The following METTL8 variants were observed in gnomAD, a reference collection of about 807,000 sequenced individuals.
METTL8 encodes the protein methyltransferase 8, tRNA N3-cytidine.
METTL8 carries 32 observed loss-of-function variants against 48.7 expected under a neutral mutation model. The observed-to-expected ratio is 0.66, with a 90% confidence interval of 0.50 to 0.88. The LOEUF (loss-of-function observed/expected upper bound fraction) is 0.88, where lower values mean the gene tolerates loss of function less well. METTL8 is among the 40% of genes least tolerant of loss of function. The probability of loss-of-function intolerance (pLI) is 0.00; values close to 1 mark genes in which losing one functional copy is unlikely to be tolerated. For missense variants in METTL8, 464 were observed against 474.4 expected (o/e 0.98, Z 0.20); for synonymous variants, 136 against 157.1 (o/e 0.87, Z 1.01).
intron 2 of METTL8, among the ~76,000 whole-genome samples, chr2:171,385,866 T>C (rs1405990164): frequency 6.6e-6 from 1 of 152,228 alleles, no homozygotes; most frequent in African/African-American, 2.4e-5. Context: ...ATGTTAAAGC[T>C]TCACTTGAAA....
chr2:171,405,272 T>C (rs1474179237), intron 1 of METTL8, among the ~76,000 whole-genome samples: 1 of 152,010 alleles, frequency 6.6e-6, no homozygotes, highest in South Asian at 2.1e-4. Flanking sequence ...TTACAGGTGG[T>C]GGCTGAAGTC....
In METTL8 at chr2:171,319,968, TA is replaced by T. The variant is rs1684448267; in HGVS notation, c.*4203del. 6.6e-6 allele frequency: 1 copy of T among 152,184 alleles called. No individual in the cohort carries two copies. Among genetic ancestry groups the T allele is most frequent in the South Asian group, 2.1e-4 (1 of 4,820 alleles). The allele number at this position is 152,184 out of a possible 1,614,324, so 9.4% of individuals were successfully genotyped here. On this transcript the variant is annotated 3_prime_UTR_variant, in exon 10 of 10. Coordinates refer to ENST00000375258, the MANE Select transcript of METTL8 (RefSeq NM_001321154.2). Reference sequence around the variant, plus strand: ...CTCTCTCAGAAGATGAATTTTTAAATATCAAACTCTGCCTAACCAACTGGTC... The same window carrying T: ...CTCTCTCAGAAGATGAATTTTTAAATTCAAACTCTGCCTAACCAACTGGTC...
chr2:171,370,244 A>G (rs11679835), intron 2 of METTL8, among the ~76,000 whole-genome samples: 39,235 of 151,988 alleles, frequency 0.26, 5,421 homozygotes, highest in African/African-American at 0.3. Flanking sequence ...CTTTGGTGTT[A>G]ATTTAATAGG....
At chr2:171,374,907 T>G in intron 2 of METTL8, 1 of 1,172,388 alleles carries the variant, frequency 8.5e-7, no homozygotes, top group Admixed American at 1.7e-5. Context: ...ATAGTCTGTC[T>G]TCAGTCTTTA....
chr2:171,430,061 A>C (rs79235462), intron 1 of METTL8, among the ~76,000 whole-genome samples: 8 of 150,888 alleles, frequency 5.3e-5, no homozygotes, highest in African/African-American at 2.0e-4. Flanking sequence ...AAAAAAAAAA[A>C]GGAATTCTGC....
intron 6 of METTL8, 66 bp from the exon 7 acceptor site, chr2:171,330,764 T>A (rs1216071611): frequency 3.4e-5 from 44 of 1,280,878 alleles, no homozygotes; most frequent in Non-Finnish European, 4.0e-5. Flanking sequence ...TTTTTTTTTT[T>A]AAATAAAAAG....
chr2:171,410,794 T>A (rs1355601976), intron 1 of METTL8, among the ~76,000 whole-genome samples: 2 of 152,196 alleles, frequency 1.3e-5, no homozygotes, highest in African/African-American at 4.8e-5. Context: ...AGAATAATAC[T>A]CATTAAGATA....
chr2:171,385,836 CT>C (rs1360173932), intron 2 of METTL8, among the ~76,000 whole-genome samples: 1 of 152,174 alleles, frequency 6.6e-6, no homozygotes, highest in Non-Finnish European at 1.5e-5. Flanking sequence ...TTGCTTTTAT[CT>C]TTTAAATCCT....
chr2:171,413,386 A>G (rs1284199217), intron 1 of METTL8, among the ~76,000 whole-genome samples: 2 of 152,212 alleles, frequency 1.3e-5, no homozygotes, highest in Admixed American at 6.5e-5. Flanking sequence ...AGAAACAGAT[A>G]TAAGAATCCA....
upstream of METTL8, chr2:171,434,457 C>T (rs1458534754): frequency 1.2e-5 from 18 of 1,503,350 alleles, no homozygotes; most frequent in South Asian, 2.1e-4. Context: ...GTCAGCTTTC[C>T]CTGGGCCCCG....
intron 1 of METTL8, among the ~76,000 whole-genome samples, chr2:171,430,591 A>C (rs1389701317): frequency 6.6e-6 from 1 of 152,188 alleles, no homozygotes; most frequent in East Asian, 1.9e-4. Context: ...CTGCTGAAAG[A>C]ATGCAACAGG....
chr2:171,420,843 G>A (rs938646266), intron 1 of METTL8, among the ~76,000 whole-genome samples: 4 of 152,102 alleles, frequency 2.6e-5, no homozygotes, highest in Admixed American at 6.5e-5. Context: ...TTCAACATTC[G>A]CTCATGATTA....
At chr2:171,333,846 C>T (rs1328021533) in intron 5 of METTL8, among the ~76,000 whole-genome samples, 1 of 152,100 alleles carries the variant, frequency 6.6e-6, no homozygotes, top group Non-Finnish European at 1.5e-5. Context: ...TTCTTTAATT[C>T]AATTCCCTCA....
chr2:171,415,972 G>A (rs1691275748), intron 1 of METTL8, among the ~76,000 whole-genome samples: 1 of 152,220 alleles, frequency 6.6e-6, no homozygotes, highest in African/African-American at 2.4e-5. Flanking sequence ...ATTAGAAAAG[G>A]AAAAGGGTAA....
intron 2 of METTL8, among the ~76,000 whole-genome samples, chr2:171,370,659 T>C (rs919651212): frequency 6.6e-6 from 1 of 151,860 alleles, no homozygotes; most frequent in Non-Finnish European, 1.5e-5. Context: ...GGTGTGGTGG[T>C]GGGCACCTGT....
Position 171,376,234 on chromosome 2 carries a change from T to TA in METTL8, c.144-15722dup, listed in dbSNP as rs545474167. On this transcript the variant is annotated intron_variant, in intron 2 of 9. Transcript: ENST00000375258. ...ATCTTTATTCATGCTACCACTTGTG[T>TA]AAAACATTATCTTCACTATTTAAAT... Among the ~76,000 whole-genome samples the TA allele has an allele frequency of 2.8e-3, 431 of 152,306 alleles. 6 individuals carry two copies. The highest frequency in any genetic ancestry group is 9.7e-3 in the African/African-American group (404 of 41,578).
chr2:171,336,256 C>T (rs567883058), intron 5 of METTL8, among the ~76,000 whole-genome samples: 57 of 142,832 alleles, frequency 4.0e-4, no homozygotes, highest in Middle Eastern at 9.2e-3. Flanking sequence ...CCACCACACC[C>T]AGCTAATTTT....
chr2:171,431,555 A>C (rs555101752), intron 1 of METTL8, among the ~76,000 whole-genome samples: 42 of 152,314 alleles, frequency 2.8e-4, no homozygotes, highest in South Asian at 2.1e-3. Context: ...TTGCTCAATA[A>C]AACTCTTCTC....
chr2:171,391,205 G>A (rs1688549388), intron 2 of METTL8, among the ~76,000 whole-genome samples: 1 of 152,162 alleles, frequency 6.6e-6, no homozygotes, highest in Non-Finnish European at 1.5e-5. Context: ...GCATTTTTTA[G>A]CAAGAAATTA....
Sources: allele counts gnomAD v4.1 joint callset (sites outside exome capture counted in the v4.1 genomes callset), GRCh38; gene constraint gnomAD v4.1.1; transcripts MANE v1.5; gene names NCBI Gene and HGNC (gene_info 2026-07-23, HGNC 2026-07-21).